The following PODXL variants were observed in gnomAD, a reference collection of about 807,000 sequenced individuals.
The protein encoded by PODXL is podocalyxin.
A neutral mutation model predicts 48.9 loss-of-function variants in PODXL; 20 were observed. That is an observed-to-expected ratio of 0.41 (90% CI 0.29 to 0.59). The LOEUF (loss-of-function observed/expected upper bound fraction) is 0.59. PODXL is among the 20% of genes least tolerant of loss of function. PODXL has a pLI of 0.31. For missense variants in PODXL, 606 were observed against 675.1 expected (o/e 0.90, Z 1.13); for synonymous variants, 295 against 287.4 (o/e 1.03, Z -0.27).
At chr7:131,505,725 C>T in intron 8 of PODXL, 143 bp downstream of exon 8, 2 of 699,496 alleles carry the variant, frequency 2.9e-6, no homozygotes, top group Non-Finnish European at 4.7e-6. Context: ...ACTGAGGCGG[C>T]TGCCTATCAG....
rs576042326 is a variant in PODXL, at chr7:131,510,314, G to A, written c.724C>T (p.His242Tyr). The change falls in exon 3 of 9, where the codon CAT (histidine) becomes TAT (tyrosine). Residue 242 changes from histidine to tyrosine, a missense_variant. Coordinates refer to ENST00000378555, the MANE Select transcript of PODXL (RefSeq NM_001018111.3). ...TTTLLETVFH[H>Y]VSQAGLELLT... Reference sequence around the variant, plus strand: ...AGTTCAAGACCAGCCTGGCTGACATGGTGAAACACTGTCTCTACTTGAAAA... The same window carrying A: ...AGTTCAAGACCAGCCTGGCTGACATAGTGAAACACTGTCTCTACTTGAAAA... 340 of 285,132 alleles carry A rather than the reference G, an allele frequency of 1.2e-3. 3 individuals are homozygous for A. Among genetic ancestry groups the A allele is most frequent in the Middle Eastern group, 1.4e-3 (1 of 714 alleles). 17.7% of individuals were successfully genotyped at this position (285,132 alleles called of 1,614,324 possible).
At chr7:131,518,334 G>A (rs539611127) in intron 1 of PODXL, among the ~76,000 whole-genome samples, 1 of 152,170 alleles carries the variant, frequency 6.6e-6, no homozygotes, top group Non-Finnish European at 1.5e-5. Flanking sequence ...AAGATAATGC[G>A]TTGGCTAATA....
At chr7:131,509,303 T>C in intron 4 of PODXL, 62 bp downstream of exon 4, 1 of 1,320,682 alleles carries the variant, frequency 7.6e-7, no homozygotes, top group Non-Finnish European at 1.1e-6. Flanking sequence ...GAAAACCTTG[T>C]CTTAAAGCCT....
intron 5 of PODXL, among the ~76,000 whole-genome samples, chr7:131,508,253 C>T (rs1797843932): frequency 6.6e-6 from 1 of 152,208 alleles, no homozygotes; most frequent in Non-Finnish European, 1.5e-5. Flanking sequence ...GCAGTGGCTC[C>T]TGCATTCCTG....
chr7:131,551,357 G>A (rs138960732), intron 1 of PODXL, among the ~76,000 whole-genome samples: 2 of 152,340 alleles, frequency 1.3e-5, no homozygotes, highest in Non-Finnish European at 2.9e-5. Flanking sequence ...AATAGGAAAT[G>A]AGCCCAGAGC....
chr7:131,518,054 T>C (rs567271261), intron 1 of PODXL, among the ~76,000 whole-genome samples: 21 of 152,276 alleles, frequency 1.4e-4, no homozygotes, highest in African/African-American at 5.1e-4. Flanking sequence ...TCTCTCCTCT[T>C]ATAAGGATAC....
At position 131,503,723 on chromosome 7, in the gene PODXL, G is replaced by C; in HGVS notation, c.*588C>G. 1 of 157,108 alleles carries C rather than the reference G, an allele frequency of 6.4e-6. No individual in the cohort carries two copies. Among genetic ancestry groups the C allele is most frequent in the East Asian group, 1.9e-4 (1 of 5,246 alleles). 9.7% of individuals were successfully genotyped at this position (157,108 alleles called of 1,614,324 possible). The stretch of plus-strand genomic sequence containing the variant: ...GTAGGGAGGGGTAAGAACATAGAGG[G>C]TGGGAAGATGGGTACACGAGGCTGG... On this transcript the variant is annotated 3_prime_UTR_variant, in exon 9 of 9. Transcript: ENST00000378555.
rs1000421114 is a variant in PODXL at position 131,550,124 on chromosome 7, T to C, written c.100+6136A>G. ...CCCGCAAACATTTCTTAACCACCTA[T>C]TTGGCTAGAGGCTGTGGAAATGACA... On this transcript the variant is annotated intron_variant, in intron 1 of 8. Transcript: ENST00000378555. Among the ~76,000 whole-genome samples, 6 of 152,230 alleles carry C rather than the reference T, an allele frequency of 3.9e-5. No homozygotes were observed. In the East Asian group the frequency reaches 1.2e-3, roughly 29 times the overall value.
intron 7 of PODXL, 75 bp downstream of exon 7, chr7:131,506,185 G>A: frequency 1.3e-6 from 2 of 1,540,514 alleles, no homozygotes; most frequent in Non-Finnish European, 1.8e-6. Flanking sequence ...CCTCCCCACA[G>A]AGAGAGGGGA....
In PODXL at chr7:131,539,564, C is replaced by T. The variant is rs368920423; in HGVS notation, c.100+16696G>A. On this transcript the variant is annotated intron_variant, in intron 1 of 8. Coordinates refer to ENST00000378555, the MANE Select transcript of PODXL (RefSeq NM_001018111.3). The stretch of plus-strand genomic sequence containing the variant: ...CAGGCTGGTCTTGAAGTCCTGACCT[C>T]GTGATCAGCCTCCCAAAGTGCTGGG... 6.6e-5 allele frequency among the ~76,000 whole-genome samples: 10 copies of T among 152,322 alleles called. No homozygotes were observed. In the South Asian group the frequency reaches 1.4e-3, roughly 22 times the overall value.
intron 1 of PODXL, among the ~76,000 whole-genome samples, chr7:131,526,739 C>CTTTTTTTTTTTTTTTTTTTTTTTTTTTT: frequency 1.1e-5 from 1 of 90,498 alleles, no homozygotes; most frequent in Admixed American, 1.7e-4. Flanking sequence ...CTTCCTTACT[C>CTTTTTTTTTTTTTTTTTTTTTTTTTTTT]TTTTTTTTTT....
intron 1 of PODXL, among the ~76,000 whole-genome samples, chr7:131,554,505 G>A (rs1446301515): frequency 1.3e-5 from 2 of 152,216 alleles, no homozygotes; most frequent in Non-Finnish European, 2.9e-5. Flanking sequence ...CAAACCCTGT[G>A]TTAGGCCAGA....
chr7:131,547,274 G>A (rs984673888), intron 1 of PODXL, among the ~76,000 whole-genome samples: 9 of 150,994 alleles, frequency 6.0e-5, no homozygotes, highest in African/African-American at 2.0e-4. Flanking sequence ...CCCAGAGGCT[G>A]GGGCAGGAGA....
Position 131,511,207 on chromosome 7 carries a change from T to G in PODXL, c.327A>C (p.Arg109Ser). Residue 109 changes from arginine (R) to serine (S), a missense_variant, in exon 2 of 9, where the codon AGA becomes AGC. Physicochemically the swap from Arg to Ser is moderately radical, Grantham distance 110 (BLOSUM62 -1). Transcript: ENST00000378555. ...TAGTAGGGTTGCCTGAGCCGCCTCC[T>G]CTAGCCACGGTAGTGTTGACTGGGC... ...VSGPVNTTVA[R>S]GGGSGNPTTT... The G allele has an allele frequency of 6.2e-7, 1 of 1,614,146 alleles. No individual in the cohort carries two copies. The highest frequency in any genetic ancestry group is 2.2e-5 in the East Asian group (1 of 44,874).
intron 1 of PODXL, among the ~76,000 whole-genome samples, chr7:131,522,666 A>AAAAG (rs1031873683): frequency 3.3e-4 from 50 of 152,234 alleles, no homozygotes; most frequent in African/African-American, 1.1e-3. Flanking sequence ...AAGACACAGC[A>AAAAG]AAAGAAAAGC....
At chr7:131,521,289 T>C (rs1460955964) in intron 1 of PODXL, among the ~76,000 whole-genome samples, 2 of 151,998 alleles carry the variant, frequency 1.3e-5, no homozygotes, top group East Asian at 3.9e-4. Flanking sequence ...CCGAGCACAC[T>C]TGCTTTACCT....
At chr7:131,510,778 C>T in intron 2 of PODXL, 50 bp downstream of exon 2, 1 of 1,609,362 alleles carries the variant, frequency 6.2e-7, no homozygotes, top group Non-Finnish European at 8.5e-7. Context: ...GCCATCACGC[C>T]TGGCCCTGAA....
At chr7:131,541,444 T>C (rs966821043) in intron 1 of PODXL, among the ~76,000 whole-genome samples, 2 of 151,760 alleles carry the variant, frequency 1.3e-5, no homozygotes, top group Admixed American at 6.6e-5. Flanking sequence ...TCCCAGCACT[T>C]TGGGAGGCCG....
rs71174956 is a variant in PODXL, at chr7:131,521,337, A to ATTTTT, written c.101-9909_101-9905dup. On this transcript the variant is annotated intron_variant, in intron 1 of 8. Transcript: ENST00000378555. ...AAGTTCGTTAAGAAGATTAAGGTCA[A>ATTTTT]TTTTTTTTTTTTTTGAGACGGAGTC... Among the ~76,000 whole-genome samples, 23 of 146,560 alleles carry ATTTTT rather than the reference A, an allele frequency of 1.6e-4. 1 individual carries two copies. Among genetic ancestry groups the ATTTTT allele is most frequent in the Non-Finnish European group, 2.1e-4 (14 of 66,850 alleles).
Sources: gnomAD v4.1 joint callset for allele counts (sites outside exome capture counted in the v4.1 genomes callset) on GRCh38, gnomAD v4.1.1 for gene constraint, MANE v1.5 for transcripts, NCBI Gene and HGNC (gene_info 2026-07-23, HGNC 2026-07-21) for gene names.